The following TBX5 variants were observed in gnomAD, a reference collection of about 807,000 sequenced individuals.
TBX5 encodes the protein T-box transcription factor TBX5.
In TBX5, 8 loss-of-function variants were observed where a neutral mutation model predicts 51.1. The observed-to-expected ratio is 0.16, with a 90% CI of 0.09 to 0.28. The LOEUF is 0.28. Ranked by LOEUF, TBX5 falls within the 10% of genes least tolerant of loss-of-function variation. The probability of loss-of-function intolerance (pLI) is 1.00; values close to 1 mark genes in which losing one functional copy is unlikely to be tolerated. For missense variants in TBX5, 589 were observed against 671.7 expected (o/e 0.88, Z 1.36); for synonymous variants, 302 against 266.4 (o/e 1.13, Z -1.30).
At chr12:114,357,600 A>G (rs1276993733) in intron 8 of TBX5, among the ~76,000 whole-genome samples, 3 of 152,220 alleles carry the variant, frequency 2.0e-5, no homozygotes, top group Non-Finnish European at 2.9e-5. Flanking sequence ...TTCCGTCAAC[A>G]TGAACAGCTC....
intron 7 of TBX5, among the ~76,000 whole-genome samples, chr12:114,370,316 G>GAAAAGAAAAGAAAAGAAAA (rs1869819022): frequency 1.6e-5 from 2 of 123,302 alleles, no homozygotes; most frequent in African/African-American, 6.1e-5. Context: ...AGAAAAGAAA[G>GAAAAGAAAAGAAAAGAAAA]AAAAGAAAAG....
At chr12:114,391,004 G>T (rs1165081360) in intron 6 of TBX5, among the ~76,000 whole-genome samples, 2 of 152,210 alleles carry the variant, frequency 1.3e-5, no homozygotes, top group African/African-American at 4.8e-5. Flanking sequence ...TAGGGGCCCA[G>T]TGGTATATGG....
rs554136933 is a variant in TBX5 at position 114,378,975 on chromosome 12, C to T, written c.755+6501G>A. On this transcript the variant is annotated intron_variant, in intron 7 of 8. Coordinates refer to ENST00000405440, the MANE Select transcript of TBX5 (RefSeq NM_181486.4). ...GCAAGGACCAGGTGGCTTCCACTTCCGTGAGAAAGTCTGAACACCCTGAGT... is the reference window on the plus strand; with the variant it reads ...GCAAGGACCAGGTGGCTTCCACTTCTGTGAGAAAGTCTGAACACCCTGAGT... Among the ~76,000 whole-genome samples, 9 of 152,242 alleles carry T rather than the reference C, an allele frequency of 5.9e-5. No individual in the cohort carries two copies. The South Asian group carries it at 1.0e-3, about 18-fold the overall frequency.
At chr12:114,384,210 A>G (rs1870666430) in intron 7 of TBX5, among the ~76,000 whole-genome samples, 1 of 152,098 alleles carries the variant, frequency 6.6e-6, no homozygotes, top group South Asian at 2.1e-4. Flanking sequence ...GAAAACAGGA[A>G]TGTGTGCACA....
At chr12:114,391,671 C>A (rs534491071) in intron 6 of TBX5, among the ~76,000 whole-genome samples, 19 of 151,988 alleles carry the variant, frequency 1.3e-4, no homozygotes, top group Admixed American at 7.9e-4. Flanking sequence ...CCACCTTAAC[C>A]CTATGCGATG....
upstream of TBX5, chr12:114,408,320 G>A (rs115599823): frequency 2.0e-3 from 1,336 of 657,212 alleles, 13 homozygotes; most frequent in African/African-American, 0.025. Context: ...AGCCAAGATC[G>A]ACTTTCTTAG....
rs191985151 is a variant in TBX5, at chr12:114,391,067, G to A, written c.663+3674C>T. ...CCATGTAGCCTACCTACCTCCACCT[G>A]GTACCTACATCCAAATAGAGACAGA... On this transcript the variant is annotated intron_variant, in intron 6 of 8. Transcript: ENST00000405440. Among the ~76,000 whole-genome samples the A allele has an allele frequency of 3.3e-5, 5 of 152,248 alleles. No individual in the cohort carries two copies. In the East Asian group the frequency reaches 9.7e-4, roughly 29 times the overall value.
chr12:114,388,765 G>A (rs532116578), intron 6 of TBX5, among the ~76,000 whole-genome samples: 22 of 114,692 alleles, frequency 1.9e-4, no homozygotes, highest in Non-Finnish European at 3.0e-4. Flanking sequence ...TTAGGTTTTC[G>A]GAGTGACAGA....
At chr12:114,403,667 CT>C (rs938510691) in intron 2 of TBX5, 84 bp downstream of exon 2, 1 of 1,547,464 alleles carries the variant, frequency 6.5e-7, no homozygotes, top group African/African-American at 1.4e-5. Context: ...TGTTTTTGTT[CT>C]GTCCCCGCAA....
chr12:114,402,746 T>C (rs1401724285), intron 2 of TBX5, among the ~76,000 whole-genome samples: 2 of 152,036 alleles, frequency 1.3e-5, no homozygotes, highest in Admixed American at 6.6e-5. Flanking sequence ...CACACATACA[T>C]GCACACACAA....
Position 114,369,546 on chromosome 12 carries a change from G to A in TBX5, c.756-3155C>T, listed in dbSNP as rs183822138. Among the ~76,000 whole-genome samples, 3 of 152,300 alleles carry A rather than the reference G, an allele frequency of 2.0e-5. No individual in the cohort carries two copies. The East Asian group carries it at 5.8e-4, about 29-fold the overall frequency. Reference sequence around the variant, plus strand: ...TCTCAATCATTATAGAATTACACATGCAAAGGAAAGAAAATGTTAGAATCA... The same window carrying A: ...TCTCAATCATTATAGAATTACACATACAAAGGAAAGAAAATGTTAGAATCA... On this transcript the variant is annotated intron_variant, in intron 7 of 8. Transcript: ENST00000405440.
At position 114,355,702 on chromosome 12, in the gene TBX5, G is replaced by A; in HGVS notation, c.1387C>T (p.His463Tyr). The A allele has an allele frequency of 6.2e-7, 1 of 1,613,966 alleles. No individual in the cohort carries two copies. Among genetic ancestry groups the A allele is most frequent in the Non-Finnish European group, 8.5e-7 (1 of 1,179,906 alleles). ...GMFQHQTSVA[H>Y]QPVVRQCGPQ... is the part of the protein sequence containing the mutation. ...CCACACTGCCTGACCACAGGCTGGTGGGCCACGGAGGTCTGGTGCTGGAAC... is the reference window on the plus strand; with the variant it reads ...CCACACTGCCTGACCACAGGCTGGTAGGCCACGGAGGTCTGGTGCTGGAAC... The change falls in exon 9 of 9, where the codon CAC (histidine) becomes TAC (tyrosine). Residue 463 changes from histidine to tyrosine, a missense_variant. Around this residue, in one of 7 missense-constraint regions of TBX5, gnomAD observed 348 missense variants for 360.4 expected, o/e 0.97. Transcript: ENST00000405440.
chr12:114,370,312 G>GAAAAGAAAGA lies in TBX5; in HGVS notation c.756-3922_756-3921insTCTTTCTTTT, dbSNP rs1441779028. ...AGAAAGAAAAGAAAAGAAAAGAAAAGAAAGAAAAGAAAAGAAAAGAGAAAA... is the reference window on the plus strand; with the variant it reads ...AGAAAGAAAAGAAAAGAAAAGAAAAGAAAAGAAAGAAAAGAAAAGAAAAGAAAAGAGAAAA... On this transcript the variant is annotated intron_variant, in intron 7 of 8. Coordinates refer to ENST00000405440, the MANE Select transcript of TBX5 (RefSeq NM_181486.4). 3.7e-3 allele frequency among the ~76,000 whole-genome samples: 436 copies of GAAAAGAAAGA among 117,924 alleles called. 11 individuals are homozygous for GAAAAGAAAGA. Among genetic ancestry groups the GAAAAGAAAGA allele is most frequent in the Non-Finnish European group, 5.6e-3 (310 of 54,912 alleles). 77.4% of individuals were successfully genotyped at this position (117,924 alleles called of 152,430 possible). A position where few individuals can be genotyped will look rare whatever the true frequency, so the allele number is the denominator to read the frequency against.
chr12:114,388,798 G>A (rs1235190293), intron 6 of TBX5, among the ~76,000 whole-genome samples: 1 of 143,222 alleles, frequency 7.0e-6, no homozygotes, highest in East Asian at 2.0e-4. Context: ...TGCCCAGGCT[G>A]GTCTTGAACT....
intron 8 of TBX5, among the ~76,000 whole-genome samples, chr12:114,364,840 G>A (rs1395655201): frequency 6.6e-6 from 1 of 152,158 alleles, no homozygotes; most frequent in Non-Finnish European, 1.5e-5. Context: ...ACCTGAGTGA[G>A]GTCACACAAG....
At chr12:114,403,304 C>T (rs982898540) in intron 2 of TBX5, among the ~76,000 whole-genome samples, 1 of 152,204 alleles carries the variant, frequency 6.6e-6, no homozygotes, top group Non-Finnish European at 1.5e-5. Context: ...CGGGAGGAGG[C>T]GAAGGCTACG....
chr12:114,376,191 G>A (rs778633291), intron 7 of TBX5, among the ~76,000 whole-genome samples: 1 of 152,048 alleles, frequency 6.6e-6, no homozygotes, highest in African/African-American at 2.4e-5. Flanking sequence ...ATTGCAGCAC[G>A]ATTCAAAAGA....
intron 4 of TBX5, 58 bp from the exon 5 acceptor site, chr12:114,398,778 C>A: frequency 6.4e-7 from 1 of 1,562,298 alleles, no homozygotes; most frequent in East Asian, 2.3e-5. Context: ...TAGCGCACTG[C>A]ACCGAAGCGT....
At chr12:114,372,981 TACACACACACACACACACAC>T (rs56137685) in intron 7 of TBX5, among the ~76,000 whole-genome samples, 1 of 142,848 alleles carries the variant, frequency 7.0e-6, no homozygotes, top group Non-Finnish European at 1.5e-5. Flanking sequence ...TATATATACA[TACACACACACACACACACAC>T]ACACACACAC....
Sources: gnomAD v4.1 joint callset for allele counts (sites outside exome capture counted in the v4.1 genomes callset) on GRCh38, gnomAD v4.1.1 for gene constraint, gnomAD v4.1.1 regional missense constraint, MANE v1.5 for transcripts, NCBI Gene and HGNC (gene_info 2026-07-23, HGNC 2026-07-21) for gene names.